The following KCNQ5 variants were observed in gnomAD, a reference collection of about 807,000 sequenced individuals.
The protein encoded by KCNQ5 is potassium voltage-gated channel subfamily Q member 5, also known as potassium voltage-gated channel subfamily KQT member 5.
A neutral mutation model predicts 98.2 loss-of-function variants in KCNQ5; 30 were observed. The observed-to-expected ratio is 0.31, with a 90% confidence interval of 0.23 to 0.41. KCNQ5 has a LOEUF of 0.41. Among genes scored for constraint, KCNQ5 ranks in the 10% least tolerant of loss-of-function variants. The probability of loss-of-function intolerance (pLI) is 1.00; values close to 1 mark genes in which losing one functional copy is unlikely to be tolerated. For missense variants in KCNQ5, 835 were observed against 1,182.5 expected (o/e 0.71, Z 4.31); for synonymous variants, 458 against 449.4 (o/e 1.02, Z -0.24).
rs141643443 is a variant in KCNQ5, at chr6:73,082,037, A to G, written c.918+4150A>G. On this transcript the variant is annotated intron_variant, in intron 5 of 13. Coordinates refer to ENST00000370398, the MANE Select transcript of KCNQ5 (RefSeq NM_019842.4). Reference sequence around the variant, plus strand: ...TTCACCTGTGTGACTGTATTTGAGCATAGGAAACATAAGGGCCAAAATATA... The same window carrying G: ...TTCACCTGTGTGACTGTATTTGAGCGTAGGAAACATAAGGGCCAAAATATA... 4.3e-4 allele frequency among the ~76,000 whole-genome samples: 65 copies of G among 152,382 alleles called. 1 individual carries two copies. The East Asian group carries it at 0.012, about 28-fold the overall frequency.
At chr6:72,860,837 A>ATG (rs530909376) in intron 1 of KCNQ5, among the ~76,000 whole-genome samples, 2,032 of 107,270 alleles carry the variant, frequency 0.019, 42 homozygotes, top group African/African-American at 0.05. Flanking sequence ...CTTTTAAGGC[A>ATG]TGTGTGTGTG....
intron 1 of KCNQ5, among the ~76,000 whole-genome samples, chr6:72,740,044 T>C (rs1010706431): frequency 6.6e-6 from 1 of 152,188 alleles, no homozygotes; most frequent in Admixed American, 6.5e-5. Context: ...AATCAAGGTG[T>C]TGGCCACTAA....
At chr6:72,939,892 G>C in intron 1 of KCNQ5, among the ~76,000 whole-genome samples, 1 of 152,170 alleles carries the variant, frequency 6.6e-6, no homozygotes, top group East Asian at 1.9e-4. Flanking sequence ...GTAAAAATGG[G>C]TAGAAAGATT....
intron 1 of KCNQ5, among the ~76,000 whole-genome samples, chr6:72,635,255 C>T (rs1364987685): frequency 6.6e-6 from 1 of 151,986 alleles, no homozygotes; most frequent in African/African-American, 2.4e-5. Flanking sequence ...GTTTTGAACT[C>T]CTGGGCTCAA....
In KCNQ5 at chr6:73,056,840, G is replaced by A. The variant is rs1021575239; in HGVS notation, c.616+14778G>A. On this transcript the variant is annotated intron_variant, in intron 3 of 13. Coordinates refer to ENST00000370398, the MANE Select transcript of KCNQ5 (RefSeq NM_019842.4). ...AAGTCAGGAAACAACAGGTGCTGGA[G>A]AGGATGTGGAGAAATAGGAACATTT... 2.0e-5 allele frequency among the ~76,000 whole-genome samples: 3 copies of A among 152,168 alleles called. No individual in the cohort carries two copies. The East Asian group carries it at 5.8e-4, about 29-fold the overall frequency.
In KCNQ5 at chr6:72,709,959, G is replaced by C. The variant is rs141764584; in HGVS notation, c.398+87372G>C. 9.4e-3 allele frequency among the ~76,000 whole-genome samples: 1,438 copies of C among 152,270 alleles called. 13 individuals carry two copies. Among genetic ancestry groups the C allele is most frequent in the East Asian group, 0.02 (104 of 5,190 alleles). On this transcript the variant is annotated intron_variant, in intron 1 of 13. Transcript: ENST00000370398. Reference sequence around the variant, plus strand: ...ACAAATAAGTAAATATTATCATGGTGGGTGGTGATATGAAGAAAAATAAAG... The same window carrying C: ...ACAAATAAGTAAATATTATCATGGTCGGTGGTGATATGAAGAAAAATAAAG...
At chr6:72,796,442 G>T (rs1774341132) in intron 1 of KCNQ5, among the ~76,000 whole-genome samples, 1 of 152,024 alleles carries the variant, frequency 6.6e-6, no homozygotes, top group Non-Finnish European at 1.5e-5. Flanking sequence ...GCCTGCAACT[G>T]GTTACCTCAA....
intron 1 of KCNQ5, among the ~76,000 whole-genome samples, chr6:72,893,027 A>G (rs890913854): frequency 6.6e-6 from 1 of 152,230 alleles, no homozygotes. Context: ...CCTACCCCAG[A>G]ACATTCCATA....
At chr6:72,783,158 C>G (rs1773571870) in intron 1 of KCNQ5, among the ~76,000 whole-genome samples, 1 of 152,072 alleles carries the variant, frequency 6.6e-6, no homozygotes, top group African/African-American at 2.4e-5. Context: ...TGGGCATTTC[C>G]TAGAGTTGTG....
chr6:73,037,464 C>A lies in KCNQ5; in HGVS notation c.490-4472C>A, dbSNP rs193082525. Among the ~76,000 whole-genome samples, 165 of 152,214 alleles carry A rather than the reference C, an allele frequency of 1.1e-3. 2 individuals are homozygous for A. The highest frequency in any genetic ancestry group is 6.8e-3 in the Middle Eastern group (2 of 294). On this transcript the variant is annotated intron_variant, in intron 2 of 13. Coordinates refer to ENST00000370398, the MANE Select transcript of KCNQ5 (RefSeq NM_019842.4). ...TTAGTCCAAATCCCAAAAATATCTCCATTTTTTTCCTAAAAGTTTTATTAT... is the reference window on the plus strand; with the variant it reads ...TTAGTCCAAATCCCAAAAATATCTCAATTTTTTTCCTAAAAGTTTTATTAT...
At chr6:72,941,577 C>CTT (rs1766295592) in intron 1 of KCNQ5, among the ~76,000 whole-genome samples, 1 of 142,456 alleles carries the variant, frequency 7.0e-6, no homozygotes, top group Non-Finnish European at 1.5e-5. Flanking sequence ...CTTCCTCCTT[C>CTT]CCTCCCTCCC....
intron 1 of KCNQ5, among the ~76,000 whole-genome samples, chr6:72,956,558 A>AT (rs1767074832): frequency 3.2e-5 from 1 of 31,416 alleles, no homozygotes; most frequent in Non-Finnish European, 7.2e-5. Context: ...TATTTTTTTT[A>AT]TTTTTTTATT....
At chr6:72,839,888 A>G (rs916460608) in intron 1 of KCNQ5, among the ~76,000 whole-genome samples, 1 of 152,162 alleles carries the variant, frequency 6.6e-6, no homozygotes, top group South Asian at 2.1e-4. Context: ...ATAGATCTCA[A>G]AAACTTATTT....
intron 1 of KCNQ5, among the ~76,000 whole-genome samples, chr6:72,675,540 G>C (rs899124441): frequency 2.6e-5 from 4 of 152,138 alleles, no homozygotes; most frequent in Non-Finnish European, 5.9e-5. Context: ...TTGCAGTCTT[G>C]CATCTTACCA....
intron 3 of KCNQ5, among the ~76,000 whole-genome samples, chr6:73,048,010 T>C (rs894542348): frequency 3.9e-5 from 6 of 152,236 alleles, no homozygotes; most frequent in Admixed American, 1.3e-4. Context: ...TTCTACCATG[T>C]CCAAGCATGC....
chr6:72,664,716 A>G (rs1296456453), intron 1 of KCNQ5, among the ~76,000 whole-genome samples: 1 of 152,146 alleles, frequency 6.6e-6, no homozygotes, highest in East Asian at 1.9e-4. Context: ...GCTATATAAG[A>G]GAAGCAGGGA....
intron 1 of KCNQ5, among the ~76,000 whole-genome samples, chr6:72,631,703 A>G (rs929250221): frequency 1.1e-4 from 17 of 152,238 alleles, no homozygotes; most frequent in African/African-American, 4.1e-4. Flanking sequence ...GAGAGGAAAC[A>G]GCATATTTAG....
chr6:73,104,639 C>A (rs1774929714), intron 5 of KCNQ5, among the ~76,000 whole-genome samples: 1 of 152,116 alleles, frequency 6.6e-6, no homozygotes, highest in African/African-American at 2.4e-5. Flanking sequence ...GATGACATCT[C>A]CCTAGTAAAG....
chr6:72,974,120 G>A (rs530833828), intron 1 of KCNQ5, among the ~76,000 whole-genome samples: 2 of 152,112 alleles, frequency 1.3e-5, no homozygotes, highest in Non-Finnish European at 2.9e-5. Context: ...ACTCTAAACC[G>A]AGGGTTAGTA....
Sources: allele counts gnomAD v4.1 joint callset (sites outside exome capture counted in the v4.1 genomes callset), GRCh38; gene constraint gnomAD v4.1.1; transcripts MANE v1.5; gene names NCBI Gene and HGNC (gene_info 2026-07-23, HGNC 2026-07-21).